Variants in METTL15 observed in about 807,000 individuals in gnomAD.
METTL15 encodes methyltransferase 15, mitochondrial 12S rRNA N4-cytidine.
In METTL15, 34 loss-of-function variants were observed where a neutral mutation model predicts 38.3. That is an observed-to-expected ratio of 0.89 (90% CI 0.68 to 1.18). The LOEUF is 1.18. Ranked by LOEUF, METTL15 falls within the 50% of genes most tolerant of loss-of-function variation. The pLI is 0.00. For synonymous variants in METTL15, 162 were observed against 170.9 expected, an observed-to-expected ratio of 0.95 and a Z score of 0.41; for missense variants, 438 against 498.4, an observed-to-expected ratio of 0.88 and a Z score of 1.15.
chr11:28,412,828 C>T (rs1006450376), intron 5 of METTL15, among the ~76,000 whole-genome samples: 1 of 151,898 alleles, frequency 6.6e-6, no homozygotes, highest in Non-Finnish European at 1.5e-5. Flanking sequence ...TAAAGTACAA[C>T]ATGAGGACTC....
chr11:28,494,676 G>A (rs557663667), intron 6 of METTL15, among the ~76,000 whole-genome samples: 1 of 152,262 alleles, frequency 6.6e-6, no homozygotes, highest in South Asian at 2.1e-4. Context: ...TGTATCACGG[G>A]GGTGGGTCTT....
chr11:28,412,792 G>T (rs1850740254), intron 5 of METTL15, among the ~76,000 whole-genome samples: 1 of 151,948 alleles, frequency 6.6e-6, no homozygotes, highest in Admixed American at 6.6e-5. Flanking sequence ...AATAGCTGAT[G>T]CATAGAATGA....
At chr11:28,527,353 G>A (rs1851819375), downstream of METTL15, among the ~76,000 whole-genome samples, 1 of 152,112 alleles carries the variant, frequency 6.6e-6, no homozygotes, top group Non-Finnish European at 1.5e-5. Context: ...TTGTTATCTT[G>A]GGTTAGCTAA....
At chr11:28,399,286 A>C (rs1850606664) in intron 5 of METTL15, among the ~76,000 whole-genome samples, 1 of 152,046 alleles carries the variant, frequency 6.6e-6, no homozygotes, top group South Asian at 2.1e-4. Context: ...TACACCTTAC[A>C]CAAAAATTAA....
intron 3 of METTL15, among the ~76,000 whole-genome samples, chr11:28,202,697 A>G (rs773665655): frequency 6.6e-6 from 1 of 152,128 alleles, no homozygotes; most frequent in Non-Finnish European, 1.5e-5. Context: ...AAGTTTAACT[A>G]AAATTTTTTC....
chr11:28,151,245 C>A (rs1047213563), intron 3 of METTL15, among the ~76,000 whole-genome samples: 3 of 151,830 alleles, frequency 2.0e-5, no homozygotes, highest in African/African-American at 7.2e-5. Flanking sequence ...GCATACTTGA[C>A]TGCTTATTAT....
intron 3 of METTL15, among the ~76,000 whole-genome samples, chr11:28,202,236 A>G (rs1363487535): frequency 6.6e-6 from 1 of 152,076 alleles, no homozygotes; most frequent in African/African-American, 2.4e-5. Context: ...TATTCAAGAC[A>G]TGGTAAAATC....
intron 6 of METTL15, among the ~76,000 whole-genome samples, chr11:28,446,624 C>T (rs760307331): frequency 1.6e-4 from 25 of 152,120 alleles, no homozygotes; most frequent in Admixed American, 9.2e-4. Context: ...AATAACTACA[C>T]ATCATCATAG....
intron 3 of METTL15, among the ~76,000 whole-genome samples, chr11:28,178,918 C>CA (rs1851178659): frequency 6.6e-6 from 1 of 151,682 alleles, no homozygotes; most frequent in East Asian, 1.9e-4. Context: ...ACAAGAAGTA[C>CA]AAATTGTTTT....
At chr11:28,364,106 A>G (rs989323810) in intron 5 of METTL15, among the ~76,000 whole-genome samples, 4 of 152,188 alleles carry the variant, frequency 2.6e-5, no homozygotes, top group Non-Finnish European at 4.4e-5. Context: ...GCTTGCAGTC[A>G]GGCAATGTGA....
intron 6 of METTL15, among the ~76,000 whole-genome samples, chr11:28,511,644 T>C (rs961981150): frequency 6.6e-6 from 1 of 152,054 alleles, no homozygotes; most frequent in South Asian, 2.1e-4. Context: ...AGGCAGCGCC[T>C]CTGGAGTTGT....
chr11:28,263,277 G>A (rs1041431276), intron 4 of METTL15, among the ~76,000 whole-genome samples: 1 of 151,986 alleles, frequency 6.6e-6, no homozygotes, highest in African/African-American at 2.4e-5. Context: ...CTTCTCTCAA[G>A]TTAGATGTAA....
chr11:28,452,144 G>A (rs1851128487), intron 6 of METTL15, among the ~76,000 whole-genome samples: 3 of 152,196 alleles, frequency 2.0e-5, no homozygotes, highest in South Asian at 4.1e-4. Flanking sequence ...AAAGTCAAGA[G>A]GAGAGAAAGC....
intron 6 of METTL15, among the ~76,000 whole-genome samples, chr11:28,308,503 T>A (rs1440302482): frequency 6.6e-6 from 1 of 152,174 alleles, no homozygotes; most frequent in Non-Finnish European, 1.5e-5. Context: ...ATTGACACAG[T>A]TCCACTCATA....
chr11:28,460,573 T>C (rs1251745349), intron 6 of METTL15, among the ~76,000 whole-genome samples: 1 of 152,128 alleles, frequency 6.6e-6, no homozygotes, highest in East Asian at 1.9e-4. Flanking sequence ...TGAGTAATCA[T>C]CAACTCATCT....
chr11:28,249,955 G>C (rs949249456), intron 4 of METTL15, among the ~76,000 whole-genome samples: 1 of 151,912 alleles, frequency 6.6e-6, no homozygotes, highest in Non-Finnish European at 1.5e-5. Flanking sequence ...GCTCCCACTT[G>C]AAAGTAAGAA....
intron 3 of METTL15, among the ~76,000 whole-genome samples, chr11:28,342,564 C>G (rs1849962410): frequency 6.6e-6 from 1 of 152,140 alleles, no homozygotes; most frequent in East Asian, 1.9e-4. Context: ...CACCTGGCCC[C>G]ATTCTTGGAT....
chr11:28,236,213 AT>A (rs1329498572), intron 4 of METTL15, among the ~76,000 whole-genome samples: 1 of 152,060 alleles, frequency 6.6e-6, no homozygotes, highest in Non-Finnish European at 1.5e-5. Flanking sequence ...GTTTGCCAGT[AT>A]TTTATTGAGG....
intron 4 of METTL15, among the ~76,000 whole-genome samples, chr11:28,211,808 A>T (rs1852654201): frequency 6.6e-6 from 1 of 152,034 alleles, no homozygotes; most frequent in African/African-American, 2.4e-5. Context: ...CCATCATTTT[A>T]AAAGAGAAAA....
Sources: allele counts gnomAD v4.1 joint callset (sites outside exome capture counted in the v4.1 genomes callset), GRCh38; gene constraint gnomAD v4.1.1; transcripts MANE v1.5; gene names NCBI Gene and HGNC (gene_info 2026-07-23, HGNC 2026-07-21).